Variants in CCSER1 observed in about 807,000 individuals in gnomAD.
CCSER1 encodes the protein serine-rich coiled-coil domain-containing protein 1.
Under a neutral mutation model 82.0 loss-of-function variants are expected in CCSER1, and 41 were observed. The observed-to-expected ratio is 0.50, with a 90% CI of 0.39 to 0.65. The LOEUF (loss-of-function observed/expected upper bound fraction) is 0.65, where lower values mean the gene tolerates loss of function less well. Among genes scored for constraint, CCSER1 ranks in the 30% least tolerant of loss-of-function variants. The probability of loss-of-function intolerance (pLI) is 0.00; values close to 1 mark genes in which losing one functional copy is unlikely to be tolerated. For missense variants in CCSER1, 1,119 were observed against 1,064.2 expected (o/e 1.05, Z -0.72); for synonymous variants, 414 against 383.9 (o/e 1.08, Z -0.92).
intron 1 of CCSER1, among the ~76,000 whole-genome samples, chr4:90,307,503 G>A (rs1398959625): frequency 9.1e-6 from 1 of 110,060 alleles, no homozygotes; most frequent in African/African-American, 3.5e-5. Context: ...CTTGTCCTGG[G>A]GTGGGGGGAG....
At chr4:91,246,321 G>A (rs1739771764) in intron 10 of CCSER1, among the ~76,000 whole-genome samples, 1 of 152,076 alleles carries the variant, frequency 6.6e-6, no homozygotes, top group African/African-American at 2.4e-5. Context: ...GTTATAAGGA[G>A]GTATTTGCAA....
intron 10 of CCSER1, among the ~76,000 whole-genome samples, chr4:91,234,468 A>G (rs1009318796): frequency 5.6e-4 from 85 of 152,092 alleles, no homozygotes; most frequent in African/African-American, 1.9e-3. Context: ...ACCCCAGAGG[A>G]AAGATTGTAG....
At chr4:90,461,629 T>C (rs1279576781) in intron 4 of CCSER1, among the ~76,000 whole-genome samples, 1 of 152,026 alleles carries the variant, frequency 6.6e-6, no homozygotes, top group Non-Finnish European at 1.5e-5. Context: ...TCAATGCCTT[T>C]TAGCACACTC....
chr4:90,438,429 G>A (rs191125692), intron 4 of CCSER1, among the ~76,000 whole-genome samples: 1 of 151,822 alleles, frequency 6.6e-6, no homozygotes, highest in Non-Finnish European at 1.5e-5. Flanking sequence ...GCCAAATATT[G>A]GTGAATTTCT....
At chr4:91,042,010 G>T (rs891431175) in intron 9 of CCSER1, among the ~76,000 whole-genome samples, 3 of 152,104 alleles carry the variant, frequency 2.0e-5, no homozygotes, top group Non-Finnish European at 4.4e-5. Flanking sequence ...AAGCTTTTTA[G>T]TCATTCAGTT....
At chr4:90,167,020 T>G (rs1222994248) in intron 1 of CCSER1, among the ~76,000 whole-genome samples, 1 of 152,064 alleles carries the variant, frequency 6.6e-6, no homozygotes, top group Non-Finnish European at 1.5e-5. Flanking sequence ...TTATGTTATA[T>G]CATCTTCTTA....
intron 4 of CCSER1, among the ~76,000 whole-genome samples, chr4:90,413,841 C>T (rs1376303747): frequency 8.3e-5 from 12 of 143,808 alleles, no homozygotes; most frequent in Admixed American, 3.5e-4. Context: ...TCCAGCTACT[C>T]GGGAGGCTGA....
chr4:91,097,354 A>G (rs1455225183), intron 10 of CCSER1, among the ~76,000 whole-genome samples: 3 of 152,162 alleles, frequency 2.0e-5, no homozygotes, highest in African/African-American at 7.2e-5. Context: ...AGTTACAGAA[A>G]CTCAGGAACC....
chr4:90,684,548 C>T (rs1734461933), intron 6 of CCSER1, among the ~76,000 whole-genome samples: 1 of 152,022 alleles, frequency 6.6e-6, no homozygotes, highest in African/African-American at 2.4e-5. Context: ...AATTTTTCTA[C>T]AAATACTGAG....
In CCSER1 at chr4:90,950,518, G is replaced by A. The variant is rs187925660; in HGVS notation, c.2172+27071G>A. On this transcript the variant is annotated intron_variant, in intron 9 of 10. Transcript: ENST00000509176. The stretch of plus-strand genomic sequence containing the variant: ...AAAACATACACATACACACACACGT[G>A]CACGCGTGCACACACACACATACAC... 4.0e-5 allele frequency among the ~76,000 whole-genome samples: 6 copies of A among 150,154 alleles called. No individual in the cohort carries two copies. The East Asian group carries it at 1.2e-3, about 30-fold the overall frequency.
rs535122846 is a variant in CCSER1, at chr4:90,799,224, C to T, written c.2011-16538C>T. ...CGGAAGGTGGAGTGGTCACTCAGTA[C>T]GAGGGAGGATCTGCTGTTCACTGTG... On this transcript the variant is annotated intron_variant, in intron 7 of 10. Transcript: ENST00000509176. 6.6e-5 allele frequency among the ~76,000 whole-genome samples: 10 copies of T among 152,112 alleles called. No individual in the cohort carries two copies. The South Asian group carries it at 8.3e-4, about 13-fold the overall frequency.
chr4:90,631,581 G>A lies in CCSER1; in HGVS notation c.1932+3349G>A, dbSNP rs541549674. 3.6e-4 allele frequency among the ~76,000 whole-genome samples: 55 copies of A among 152,244 alleles called. 1 individual carries two copies. The South Asian group carries it at 1.0e-2, about 28-fold the overall frequency. ...TCTAGGGTTGTGGTTAATGACTAGC[G>A]GCTAGAAGGATGCCTCGACAGAGTG... On this transcript the variant is annotated intron_variant, in intron 6 of 10. Transcript: ENST00000509176.
intron 9 of CCSER1, among the ~76,000 whole-genome samples, chr4:90,973,588 A>G (rs1735323056): frequency 6.6e-6 from 1 of 151,746 alleles, no homozygotes; most frequent in Non-Finnish European, 1.5e-5. Flanking sequence ...TGCCATTATG[A>G]AAAACAGTAT....
At chr4:91,198,013 A>G (rs1356676549) in intron 10 of CCSER1, among the ~76,000 whole-genome samples, 1 of 152,186 alleles carries the variant, frequency 6.6e-6, no homozygotes, top group African/African-American at 2.4e-5. Context: ...AATATTCCGT[A>G]AAGCTTAGTC....
At chr4:91,549,381 C>T (rs1762051324) in intron 10 of CCSER1, among the ~76,000 whole-genome samples, 1 of 152,040 alleles carries the variant, frequency 6.6e-6, no homozygotes, top group Non-Finnish European at 1.5e-5. Context: ...CATTCATTCT[C>T]TTCCAGCTGT....
intron 6 of CCSER1, among the ~76,000 whole-genome samples, chr4:90,684,027 C>G (rs910852444): frequency 6.6e-6 from 1 of 152,232 alleles, no homozygotes; most frequent in Admixed American, 6.5e-5. Context: ...TGTTTGTACT[C>G]TAGAGAATGC....
At chr4:90,426,618 T>A (rs1455111059) in intron 4 of CCSER1, among the ~76,000 whole-genome samples, 1 of 152,132 alleles carries the variant, frequency 6.6e-6, no homozygotes, top group African/African-American at 2.4e-5. Context: ...TGTATAAAAA[T>A]TTAAATTTCA....
chr4:90,751,962 A>C (rs189295853), intron 7 of CCSER1, among the ~76,000 whole-genome samples: 1 of 152,078 alleles, frequency 6.6e-6, no homozygotes, highest in Non-Finnish European at 1.5e-5. Flanking sequence ...ACCATGTTCC[A>C]AATATTTGCT....
chr4:90,858,282 A>G (rs1031159594), intron 8 of CCSER1, among the ~76,000 whole-genome samples: 13 of 152,080 alleles, frequency 8.5e-5, no homozygotes, highest in African/African-American at 3.1e-4. Flanking sequence ...TTGAACAAAG[A>G]TGAAAGAAAT....
Sources: allele counts gnomAD v4.1 joint callset (sites outside exome capture counted in the v4.1 genomes callset), GRCh38; gene constraint gnomAD v4.1.1; transcripts MANE v1.5; gene names NCBI Gene and HGNC (gene_info 2026-07-23, HGNC 2026-07-21).